Variants in ESCO1 observed in about 807,000 individuals in gnomAD.
ESCO1 encodes establishment of sister chromatid cohesion N-acetyltransferase 1.
A neutral mutation model predicts 83.5 loss-of-function variants in ESCO1; 33 were observed. The ratio of observed to expected loss-of-function variants is 0.40; its 90% CI spans 0.30 to 0.53. The LOEUF (loss-of-function observed/expected upper bound fraction) is 0.53, where lower values mean the gene tolerates loss of function less well. Ranked by LOEUF, ESCO1 falls within the 20% of genes least tolerant of loss-of-function variation. The probability of loss-of-function intolerance (pLI) is 0.63; values close to 1 mark genes in which losing one functional copy is unlikely to be tolerated. For missense variants in ESCO1, 855 were observed against 968.0 expected (o/e 0.88, Z 1.55); for synonymous variants, 332 against 324.3 (o/e 1.02, Z -0.25).
chr18:21,585,977 G>GT (rs770862023), intron 1 of ESCO1, among the ~76,000 whole-genome samples: 1 of 152,062 alleles, frequency 6.6e-6, no homozygotes, highest in Non-Finnish European at 1.5e-5. Context: ...ATACAACCAC[G>GT]TAATAATCAA....
At chr18:21,561,508 C>T (rs1350123202) in intron 7 of ESCO1, among the ~76,000 whole-genome samples, 3 of 152,058 alleles carry the variant, frequency 2.0e-5, no homozygotes, top group Non-Finnish European at 4.4e-5. Flanking sequence ...GCTCCTGCAA[C>T]CTCTGCCTCC....
At chr18:21,558,176 C>T (rs1044004198) in intron 8 of ESCO1, among the ~76,000 whole-genome samples, 1 of 151,512 alleles carries the variant, frequency 6.6e-6, no homozygotes, top group African/African-American at 2.4e-5. Context: ...GATGGGGTTC[C>T]ACATGTTGCC....
chr18:21,540,971 G>T (rs1289250823), intron 8 of ESCO1, among the ~76,000 whole-genome samples: 2 of 151,986 alleles, frequency 1.3e-5, no homozygotes, highest in Non-Finnish European at 2.9e-5. Flanking sequence ...ATGGCAACTA[G>T]ATTTCTTTAA....
intron 8 of ESCO1, among the ~76,000 whole-genome samples, chr18:21,549,963 C>CAAA (rs397940311): frequency 8.1e-6 from 1 of 122,822 alleles, no homozygotes; most frequent in Non-Finnish European, 1.8e-5. Context: ...ACTCCATCTC[C>CAAA]AAAAAAAAAA....
chr18:21,546,671 C>T (rs998873551), intron 8 of ESCO1, among the ~76,000 whole-genome samples: 8 of 152,234 alleles, frequency 5.3e-5, no homozygotes, highest in African/African-American at 1.7e-4. Context: ...CTCAGCCTCC[C>T]GAGTAGATGG....
chr18:21,554,104 C>A (rs1444092044), intron 8 of ESCO1, among the ~76,000 whole-genome samples: 1 of 152,046 alleles, frequency 6.6e-6, no homozygotes, highest in African/African-American at 2.4e-5. Flanking sequence ...CCACTACAAG[C>A]CTATTAGAAA....
intron 8 of ESCO1, among the ~76,000 whole-genome samples, chr18:21,548,241 T>C (rs1364933639): frequency 6.6e-6 from 1 of 152,046 alleles, no homozygotes; most frequent in African/African-American, 2.4e-5. Flanking sequence ...ACCTGTAATC[T>C]CAACACTTTG....
chr18:21,584,915 C>T (rs555079959), intron 1 of ESCO1, among the ~76,000 whole-genome samples: 1 of 152,066 alleles, frequency 6.6e-6, no homozygotes, highest in African/African-American at 2.4e-5. Context: ...GAGGCCGAGG[C>T]GGGTGGATAA....
At chr18:21,600,060 C>A (rs1270720628) in intron 1 of ESCO1, among the ~76,000 whole-genome samples, 1 of 152,236 alleles carries the variant, frequency 6.6e-6, no homozygotes, top group Non-Finnish European at 1.5e-5. Context: ...CCCTCCCAAA[C>A]TGAAGGCTGT....
chr18:21,590,043 C>G lies in ESCO1; in HGVS notation c.-824-5603G>C, dbSNP rs568628402. On this transcript the variant is annotated intron_variant, in intron 1 of 11. Transcript: ENST00000269214. ...GGGGTTTCACCATGTTAGCCAGGAT[C>G]GTCTCGATCTCCTGACCTCGTGATC... 1.5e-4 allele frequency among the ~76,000 whole-genome samples: 22 copies of G among 151,162 alleles called. 1 individual carries two copies. Among genetic ancestry groups the G allele is most frequent in the African/African-American group, 4.9e-4 (20 of 41,182 alleles).
chr18:21,600,469 G>A (rs921644839), intron 1 of ESCO1, among the ~76,000 whole-genome samples, 154 bp downstream of exon 1: 1 of 152,228 alleles, frequency 6.6e-6, no homozygotes, highest in African/African-American at 2.4e-5. Context: ...CCAGGGGCGC[G>A]AAGAGCTGGG....
intron 1 of ESCO1, among the ~76,000 whole-genome samples, chr18:21,591,356 A>C (rs1436044991): frequency 6.6e-6 from 1 of 152,198 alleles, no homozygotes; most frequent in African/African-American, 2.4e-5. Flanking sequence ...TAAGATAATA[A>C]ATTTCTATTG....
intron 8 of ESCO1, among the ~76,000 whole-genome samples, chr18:21,544,680 C>T (rs1285522717): frequency 6.6e-6 from 1 of 150,884 alleles, no homozygotes; most frequent in East Asian, 1.9e-4. Context: ...AAAGTAATAA[C>T]ATGATGCCTA....
chr18:21,551,257 T>G (rs1477721030), intron 8 of ESCO1, among the ~76,000 whole-genome samples: 3 of 151,612 alleles, frequency 2.0e-5, no homozygotes, highest in African/African-American at 7.3e-5. Context: ...GATCACGAGG[T>G]CAGGAGATCG....
Position 21,581,778 on chromosome 18 carries a change from A to G in ESCO1, c.-694+2532T>C, listed in dbSNP as rs920457995. 7.9e-5 allele frequency among the ~76,000 whole-genome samples: 12 copies of G among 152,160 alleles called. 1 individual carries two copies. The highest frequency in any genetic ancestry group is 7.9e-4 in the Admixed American group (12 of 15,268). ...ACACACCTGTAATAACAGCTACTTC[A>G]GAGATGAAGCAGGAGGATTGCTTGA... On this transcript the variant is annotated intron_variant, in intron 2 of 11. Transcript: ENST00000269214.
At chr18:21,531,480 C>T (rs955391355) in intron 11 of ESCO1, among the ~76,000 whole-genome samples, 1 of 151,742 alleles carries the variant, frequency 6.6e-6, no homozygotes, top group African/African-American at 2.4e-5. Context: ...ACAAAAGAAG[C>T]ATTAAGACTT....
Position 21,574,482 on chromosome 18 carries a change from C to G in ESCO1, c.362G>C (p.Arg121Thr). The G allele has an allele frequency of 6.2e-7, 1 of 1,614,134 alleles. No individual in the cohort carries two copies. The highest frequency in any genetic ancestry group is 1.1e-5 in the South Asian group (1 of 91,076). ...TGTTAATTGTTGTAGCCTTTGTGATCTCCGGTTAAGCTGTTCATTTGCTTT... is the reference window on the plus strand; with the variant it reads ...TGTTAATTGTTGTAGCCTTTGTGATGTCCGGTTAAGCTGTTCATTTGCTTT... ...NPKANEQLNRRSQRLQQLTEV... is the reference protein window; with the variant it reads ...NPKANEQLNRTSQRLQQLTEV... Residue 121 changes from arginine (R) to threonine (T), a missense_variant, in exon 4 of 12, where the codon AGA (arginine) becomes ACA (threonine). This residue lies in a region of ESCO1 where 726 missense variants were observed against 699.5 expected (regional missense o/e 1.04). Coordinates refer to ENST00000269214, the MANE Select transcript of ESCO1 (RefSeq NM_052911.3).
chr18:21,565,462 T>C (rs1247338177), intron 6 of ESCO1, among the ~76,000 whole-genome samples: 5 of 152,210 alleles, frequency 3.3e-5, no homozygotes, highest in African/African-American at 1.2e-4. Context: ...AGTCTGACAA[T>C]GCGGGATAAG....
In ESCO1 at chr18:21,573,763, G is replaced by T; in HGVS notation, c.1081C>A (p.Gln361Lys). 6.2e-7 allele frequency: 1 copy of T among 1,614,074 alleles called. No individual in the cohort carries two copies. The highest frequency in any genetic ancestry group is 8.5e-7 in the Non-Finnish European group (1 of 1,180,000). The change falls in exon 4 of 12, where the codon CAA (glutamine) becomes AAA (lysine). Residue 361 changes from glutamine to lysine, a missense_variant. Physicochemically the swap from Gln to Lys is moderately conservative, Grantham distance 53 (BLOSUM62 1). Around this residue, in one of 2 missense-constraint regions of ESCO1, gnomAD observed 726 missense variants for 699.5 expected, o/e 1.04. Coordinates refer to ENST00000269214, the MANE Select transcript of ESCO1 (RefSeq NM_052911.3). ...CTACTTGGGAAAAAACGATTACATT[G>T]CACATCCTGATTTGTTTCCTTCTGA... ...LHQKETNQDV[Q>K]CNRFFPSRKT...
Sources: allele counts gnomAD v4.1 joint callset (sites outside exome capture counted in the v4.1 genomes callset), GRCh38; gene constraint gnomAD v4.1.1; regional missense constraint gnomAD v4.1.1; transcripts MANE v1.5; gene names NCBI Gene and HGNC (gene_info 2026-07-23, HGNC 2026-07-21).